REPS2: variants seen among roughly 807,000 people sequenced by gnomAD.
The protein encoded by REPS2 is ralBP1-associated Eps domain-containing protein 2.
Under a neutral mutation model 53.6 loss-of-function variants are expected in REPS2, and 23 were observed. That is an observed-to-expected ratio of 0.43 (90% CI 0.31 to 0.61). The LOEUF is 0.61. REPS2 is among the 20% of genes least tolerant of loss of function. The probability of loss-of-function intolerance (pLI) is 0.11; values close to 1 mark genes in which losing one functional copy is unlikely to be tolerated. For synonymous variants in REPS2, 238 were observed against 218.6 expected (o/e 1.09, Z -0.78); for missense variants, 446 against 534.9 (o/e 0.83, Z 1.64).
At chrX:17,040,159 C>G (rs2061813302) in intron 5 of REPS2, among the ~76,000 whole-genome samples, 1 of 112,456 alleles carries the variant, frequency 8.9e-6, no homozygotes, top group South Asian at 3.6e-4. Context: ...AACTTCTCTA[C>G]AGAAAAACCA....
intron 13 of REPS2, among the ~76,000 whole-genome samples, chrX:17,097,998 A>G (rs902905871): frequency 5.4e-5 from 6 of 111,165 alleles, no homozygotes; most frequent in African/African-American, 9.8e-5. Context: ...ATCTTATACA[A>G]CCTATTTAAG....
chrX:17,025,028 C>T (rs202227700), intron 3 of REPS2, 31 bp from the exon 4 acceptor site: 11 of 1,209,748 alleles, frequency 9.1e-6, no homozygotes, highest in African/African-American at 7.0e-5. Flanking sequence ...CTTGAGTGAG[C>T]GCCTCTGAAC....
chrX:17,179,044 A>G, the REPS2 span, among the ~76,000 whole-genome samples: 1 of 112,030 alleles, frequency 8.9e-6, no homozygotes, highest in Non-Finnish European at 1.9e-5. Context: ...TAATGAAACA[A>G]CATCACATTA....
chrX:17,145,421 A>G (rs1156390153), intron 17 of REPS2, among the ~76,000 whole-genome samples: 1 of 111,542 alleles, frequency 9.0e-6, no homozygotes, highest in Non-Finnish European at 1.9e-5. Context: ...TAGATATCCA[A>G]TACACATCTC....
the REPS2 span, among the ~76,000 whole-genome samples, chrX:17,168,678 T>C: frequency 8.9e-6 from 1 of 112,072 alleles, no homozygotes; most frequent in African/African-American, 3.2e-5. Flanking sequence ...TCAGGCTCTG[T>C]TTCTGGAACA....
intron 1 of REPS2, among the ~76,000 whole-genome samples, chrX:16,988,429 TGA>T (rs2061118799): frequency 8.9e-6 from 1 of 112,387 alleles, no homozygotes; most frequent in Non-Finnish European, 1.9e-5. Context: ...CATACAAAAA[TGA>T]GTTGTATTTC....
chrX:17,040,125 C>T (rs2061813129), intron 5 of REPS2, among the ~76,000 whole-genome samples: 1 of 112,345 alleles, frequency 8.9e-6, no homozygotes, highest in South Asian at 3.6e-4. Flanking sequence ...GGTTAAATTT[C>T]TCTGTTGGGA....
chrX:17,183,998 AG>A, the REPS2 span, among the ~76,000 whole-genome samples: 9 of 110,141 alleles, frequency 8.2e-5, no homozygotes, highest in Non-Finnish European at 1.7e-4. Context: ...TGTTACCCAT[AG>A]TACTTCTCCA....
chrX:16,999,368 AT>A (rs1162932789), intron 1 of REPS2, among the ~76,000 whole-genome samples: 1,415 of 62,724 alleles, frequency 0.023, 28 homozygotes, highest in African/African-American at 0.086. Flanking sequence ...GATGTTCCTG[AT>A]TTTTTTTTTT....
At chrX:16,957,589 G>T (rs1169204989) in intron 1 of REPS2, among the ~76,000 whole-genome samples, 1 of 111,089 alleles carries the variant, frequency 9.0e-6, no homozygotes, top group Non-Finnish European at 1.9e-5. Context: ...GGAGGTGTTT[G>T]GTGTGCTCTG....
chrX:17,026,035 A>G (rs1321535772), intron 4 of REPS2, among the ~76,000 whole-genome samples: 1 of 111,849 alleles, frequency 8.9e-6, no homozygotes, highest in Non-Finnish European at 1.9e-5. Flanking sequence ...GGGACACAGA[A>G]ATAAAACTGC....
At chrX:17,005,642 ATGT>A (rs2061355244) in intron 1 of REPS2, among the ~76,000 whole-genome samples, 1 of 111,806 alleles carries the variant, frequency 8.9e-6, no homozygotes, top group Non-Finnish European at 1.9e-5. Flanking sequence ...GGGGAGGAGG[ATGT>A]TGTTCCAGGT....
Position 17,023,353 on chromosome X carries a change from G to A in REPS2, c.546+1082G>A, listed in dbSNP as rs765440778. ...TGAGGCAGGAGAATGGCTTGAATCCGGGAGGCGGAGATTGCAGTGAGCCGA... is the reference window on the plus strand; with the variant it reads ...TGAGGCAGGAGAATGGCTTGAATCCAGGAGGCGGAGATTGCAGTGAGCCGA... On this transcript the variant is annotated intron_variant, in intron 3 of 17. Coordinates refer to ENST00000357277, the MANE Select transcript of REPS2 (RefSeq NM_004726.3). 7.3e-5 allele frequency among the ~76,000 whole-genome samples: 8 copies of A among 109,879 alleles called. 1 individual carries two copies. The South Asian group carries it at 1.2e-3, about 16-fold the overall frequency.
At chrX:16,963,708 T>G (rs2060694930) in intron 1 of REPS2, among the ~76,000 whole-genome samples, 2 of 111,824 alleles carry the variant, frequency 1.8e-5, no homozygotes, top group African/African-American at 6.5e-5. Context: ...TCTGTCAGGG[T>G]GTGCAGCACA....
chrX:17,118,711 G>C (rs2063098895), intron 14 of REPS2, among the ~76,000 whole-genome samples: 1 of 111,912 alleles, frequency 8.9e-6, no homozygotes, highest in Non-Finnish European at 1.9e-5. Flanking sequence ...TCTACACTCT[G>C]TGCCCACCAA....
intron 2 of REPS2, among the ~76,000 whole-genome samples, chrX:17,009,346 T>G (rs184086618): frequency 9.0e-6 from 1 of 111,430 alleles, no homozygotes; most frequent in Admixed American, 9.5e-5. Context: ...TTTTGTATTT[T>G]TTGTAGAGAT....
chrX:17,170,180 C>G, the REPS2 span, among the ~76,000 whole-genome samples: 2 of 112,409 alleles, frequency 1.8e-5, no homozygotes, highest in African/African-American at 6.5e-5. Context: ...TATTGTACAC[C>G]TCAGAGCAGT....
chrX:17,100,058 A>T (rs1382822044), intron 13 of REPS2: 1 of 1,158,768 alleles, frequency 8.6e-7, no homozygotes, highest in African/African-American at 1.8e-5. Flanking sequence ...CAGAATCAGA[A>T]TCAGCTTTGT....
the REPS2 span, among the ~76,000 whole-genome samples, chrX:17,162,203 C>T: frequency 8.9e-6 from 1 of 112,041 alleles, no homozygotes; most frequent in Non-Finnish European, 1.9e-5. Context: ...CCCGGGAAAT[C>T]TCACTCACAA....
Sources: gnomAD v4.1 joint callset for allele counts (sites outside exome capture counted in the v4.1 genomes callset) on GRCh38, gnomAD v4.1.1 for gene constraint, MANE v1.5 for transcripts, NCBI Gene and HGNC (gene_info 2026-07-23, HGNC 2026-07-21) for gene names.